The following DRD4 variants were observed in gnomAD, a reference collection of about 807,000 sequenced individuals.
The protein encoded by DRD4 is D(4) dopamine receptor.
DRD4 carries 26 observed loss-of-function variants against 22.1 expected under a neutral mutation model. The ratio of observed to expected loss-of-function variants is 1.17; its 90% CI spans 0.86 to 1.63. The LOEUF (loss-of-function observed/expected upper bound fraction) is 1.63. Ranked by LOEUF, DRD4 falls within the 40% of genes most tolerant of loss-of-function variation. The pLI, the probability that DRD4 is intolerant of heterozygous loss-of-function variation, is 0.00. For synonymous variants in DRD4, 455 were observed against 306.7 expected (o/e 1.48, Z -5.05); for missense variants, 913 against 632.4 (o/e 1.44, Z -4.76).
In DRD4 at chr11:640,305, C is replaced by G. The variant is rs201878429; in HGVS notation, c.1056C>G (p.Val352=). The G allele has an allele frequency of 3.1e-3, 4,690 of 1,504,480 alleles. 111 individuals are homozygous for G. In the African/African-American group the frequency reaches 0.054, roughly 17 times the overall value. The allele number at this position is 1,504,480 out of a possible 1,614,324, so 93.2% of individuals were successfully genotyped here. Residue 352 remains valine (V), a splice_region_variant and synonymous_variant, in exon 3 of 4, where the codon GTC becomes GTG. Transcript: ENST00000176183. ...RKAMRVLPVV[V]GAFLLCWTPF... ...CCATGAGGGTCCTGCCGGTGGTGGTCGGTGGGTTCCTGTCCTGAGGGGCGG... is the reference window on the plus strand; with the variant it reads ...CCATGAGGGTCCTGCCGGTGGTGGTGGGTGGGTTCCTGTCCTGAGGGGCGG...
intron 1 of DRD4, 109 bp from the exon 2 acceptor site, chr11:639,324 C>G: frequency 9.6e-7 from 1 of 1,039,652 alleles, no homozygotes; most frequent in South Asian, 1.4e-5. Flanking sequence ...GGCTCACAGC[C>G]GGGCCCCCTT....
intron 3 of DRD4, 30 bp downstream of exon 3, chr11:640,336 AGAG>A (rs755832118): frequency 5.6e-6 from 7 of 1,260,564 alleles, no homozygotes; most frequent in African/African-American, 2.8e-5. Flanking sequence ...GGCGGGGAGG[AGAG>A]GAGGGGGGGG....
In DRD4 at chr11:640,420, G is replaced by T; in HGVS notation, c.1077G>T (p.Trp359Cys). ...PVVVGAFLLC[W>C]TPFFVVHITQ... ...CCCCAGGGGCCTTCCTGCTGTGCTG[G>T]ACGCCCTTCTTCGTGGTGCACATCA... Residue 359 changes from tryptophan to cysteine, a missense_variant, in exon 4 of 4, where the codon TGG (tryptophan) becomes TGT (cysteine). Transcript: ENST00000176183. The T allele has an allele frequency of 6.2e-7, 1 of 1,600,356 alleles. No individual in the cohort carries two copies. Among genetic ancestry groups the T allele is most frequent in the South Asian group, 1.1e-5 (1 of 91,056 alleles).
chr11:637,556 T>C lies in DRD4; in HGVS notation c.252T>C (p.Ala84=). The part of the protein sequence containing the change: ...VSLAAADLLL[A]LLVLPLFVYS... The stretch of plus-strand genomic sequence containing the variant: ...TGGCGGCCGCCGACCTCCTCCTCGC[T>C]CTCCTGGTGCTGCCGCTCTTCGTCT... Residue 84 remains alanine, a synonymous_variant, in exon 1 of 4, where the codon GCT becomes GCC. Coordinates refer to ENST00000176183, the MANE Select transcript of DRD4 (RefSeq NM_000797.4). 4.5e-6 allele frequency: 7 copies of C among 1,560,312 alleles called. No homozygotes were observed. Among genetic ancestry groups the C allele is most frequent in the Non-Finnish European group, 6.0e-6 (7 of 1,157,554 alleles).
In DRD4 at chr11:639,430, C is replaced by G. The variant is rs1173090817; in HGVS notation, c.286-3C>G. ...CCTCAGGGCCTGTGGTGTCGCCGCG[C>G]AGGTCCAGGGTGGCGCGTGGCTGCT... On this transcript the variant is annotated splice_polypyrimidine_tract_variant and splice_region_variant and intron_variant, in intron 1 of 3. Transcript: ENST00000176183. The G allele has an allele frequency of 3.1e-6, 5 of 1,587,806 alleles. No homozygotes were observed. Among genetic ancestry groups the G allele is most frequent in the Non-Finnish European group, 4.3e-6 (5 of 1,174,504 alleles).
In DRD4 at chr11:639,789, C is replaced by T. The variant is rs1290666253; in HGVS notation, c.540C>T (p.Arg180=). Residue 180 remains arginine (R), a synonymous_variant, in exon 3 of 4, where the codon CGC becomes CGT. Transcript: ENST00000176183. Reference sequence around the variant, plus strand: ...GCGGCCTCAACGACGTGCGCGGCCGCGACCCCGCCGTGTGCCGCCTGGAGG... The same window carrying T: ...GCGGCCTCAACGACGTGCGCGGCCGTGACCCCGCCGTGTGCCGCCTGGAGG... ...VLCGLNDVRG[R]DPAVCRLEDR... is the part of the protein sequence containing the mutation. 9 of 1,579,158 alleles carry T rather than the reference C, an allele frequency of 5.7e-6. No individual in the cohort carries two copies. Among genetic ancestry groups the T allele is most frequent in the Non-Finnish European group, 7.7e-6 (9 of 1,171,176 alleles).
rs1858223801 is a variant in DRD4 at position 640,684 on chromosome 11, A to C, written c.*81A>C. ...GATGGGGAGGGCGCTTTTGTACGTTAATTAAACAAATTCCTTCCCAAACTC... is the reference window on the plus strand; with the variant it reads ...GATGGGGAGGGCGCTTTTGTACGTTCATTAAACAAATTCCTTCCCAAACTC... On this transcript the variant is annotated 3_prime_UTR_variant, in exon 4 of 4. Transcript: ENST00000176183. The C allele has an allele frequency of 6.7e-7, 1 of 1,496,672 alleles. No homozygotes were observed. The highest frequency in any genetic ancestry group is 9.1e-7 in the Non-Finnish European group (1 of 1,096,780). The allele number at this position is 1,496,672 out of a possible 1,614,324, so 92.7% of individuals were successfully genotyped here. A position where few individuals can be genotyped will look rare whatever the true frequency, so the allele number is the denominator to read the frequency against.
At position 640,627 on chromosome 11, in the gene DRD4, C is replaced by T. The variant is rs777940742; in HGVS notation, c.*24C>T. 7 of 1,598,462 alleles carry T rather than the reference C, an allele frequency of 4.4e-6. No homozygotes were observed. Among genetic ancestry groups the T allele is most frequent in the African/African-American group, 1.3e-5 (1 of 74,942 alleles). ...GAGCCGGGCACCCCCGGACGCCCCC[C>T]GGCCTGATGGCCAGGCCTCAGGGAC... is the stretch of plus-strand genomic sequence containing the variant. On this transcript the variant is annotated 3_prime_UTR_variant, in exon 4 of 4. Transcript: ENST00000176183.
intron 1 of DRD4, 150 bp downstream of exon 1, chr11:637,739 G>C: frequency 2.1e-6 from 3 of 1,403,156 alleles, no homozygotes; most frequent in Non-Finnish European, 2.9e-6. Flanking sequence ...GTCCCTCGGC[G>C]ATACACCCAC....
intron 2 of DRD4, 28 bp downstream of exon 2, chr11:639,573 G>A (rs1235468528): frequency 2.2e-6 from 3 of 1,392,778 alleles, no homozygotes; most frequent in African/African-American, 1.5e-5. Flanking sequence ...CCCGCGCCCC[G>A]GCGCCCCCGC....
chr11:640,352 A>G lies in DRD4; in HGVS notation c.1057+46A>G, dbSNP rs1225136458. ...GCGGGGAGGAGAGGAGGGGGGGGGT[A>G]CGAGGCCGGCTGGGCGGGGGGCGCT... On this transcript the variant is annotated intron_variant, in intron 3 of 3. Transcript: ENST00000176183. 3 of 1,418,914 alleles carry G rather than the reference A, an allele frequency of 2.1e-6. No homozygotes were observed. In the East Asian group the frequency reaches 7.1e-5, roughly 33 times the overall value. The allele number at this position is 1,418,914 out of a possible 1,614,324, so 87.9% of individuals were successfully genotyped here.
intron 1 of DRD4, 88 bp from the exon 2 acceptor site, chr11:639,345 A>G: frequency 7.9e-7 from 1 of 1,269,586 alleles, no homozygotes; most frequent in Non-Finnish European, 1.1e-6. Context: ...CTCCGTATTC[A>G]GCCCTGGAAC....
chr11:639,856 C>A lies in DRD4; in HGVS notation c.607C>A (p.Leu203Ile), dbSNP rs774497080. Reference sequence around the variant, plus strand: ...CTACTCGTCCGTGTGCTCCTTCTTCCTACCCTGCCCGCTCATGCTGCTGCT... The same window carrying A: ...CTACTCGTCCGTGTGCTCCTTCTTCATACCCTGCCCGCTCATGCTGCTGCT... ...VVYSSVCSFF[L>I]PCPLMLLLYW... Residue 203 changes from leucine to isoleucine, a missense_variant, in exon 3 of 4, where the codon CTA (leucine) becomes ATA (isoleucine). Physicochemically the swap from Leu to Ile is conservative, Grantham distance 5. Coordinates refer to ENST00000176183, the MANE Select transcript of DRD4 (RefSeq NM_000797.4). The A allele has an allele frequency of 3.0e-5, 47 of 1,585,928 alleles. No individual in the cohort carries two copies. Among genetic ancestry groups the A allele is most frequent in the Admixed American group, 5.1e-5 (3 of 59,010 alleles).
chr11:638,817 C>T (rs1238791946), intron 1 of DRD4, among the ~76,000 whole-genome samples: 4 of 152,182 alleles, frequency 2.6e-5, no homozygotes, highest in Admixed American at 1.3e-4. Flanking sequence ...AGACCAAGGC[C>T]AGAAGCCGTG....
rs1370671469 is a variant in DRD4, at chr11:637,589, G to A, written c.285G>A (p.Glu95=). The change falls in exon 1 of 4, where the codon GAG becomes GAA. Residue 95 remains glutamate, a splice_region_variant and synonymous_variant. Coordinates refer to ENST00000176183, the MANE Select transcript of DRD4 (RefSeq NM_000797.4). ...LLVLPLFVYS[E]VQGGAWLLSP... ...TGCTGCCGCTCTTCGTCTACTCCGA[G>A]GTGAGCCGCGTCCGGCCGCACGAGC... The A allele has an allele frequency of 6.5e-7, 1 of 1,546,538 alleles. No homozygotes were observed. Among genetic ancestry groups the A allele is most frequent in the Non-Finnish European group, 8.7e-7 (1 of 1,149,750 alleles).
intron 1 of DRD4, among the ~76,000 whole-genome samples, chr11:638,677 C>T (rs1392157861): frequency 6.6e-6 from 1 of 152,192 alleles, no homozygotes; most frequent in African/African-American, 2.4e-5. Flanking sequence ...ACAGAGCAGC[C>T]AGCTTCGCTT....
In DRD4 at chr11:637,597, G is replaced by T. The variant is rs765293018; in HGVS notation, c.285+8G>T. The T allele has an allele frequency of 5.8e-6, 9 of 1,543,372 alleles. No homozygotes were observed. The South Asian group carries it at 7.1e-5, about 12-fold the overall frequency. On this transcript the variant is annotated splice_region_variant and intron_variant, in intron 1 of 3. Transcript: ENST00000176183. Reference sequence around the variant, plus strand: ...CTCTTCGTCTACTCCGAGGTGAGCCGCGTCCGGCCGCACGAGCATCCTCAC... The same window carrying T: ...CTCTTCGTCTACTCCGAGGTGAGCCTCGTCCGGCCGCACGAGCATCCTCAC...
In DRD4 at chr11:637,488, G is replaced by C. The variant is rs767655308; in HGVS notation, c.184G>C (p.Glu62Gln). The C allele has an allele frequency of 1.9e-6, 3 of 1,546,406 alleles. No individual in the cohort carries two copies. The highest frequency in any genetic ancestry group is 3.9e-5 in the Admixed American group (2 of 51,786). Residue 62 changes from glutamate (E) to glutamine (Q), a missense_variant, in exon 1 of 4, where the codon GAG becomes CAG. Coordinates refer to ENST00000176183, the MANE Select transcript of DRD4 (RefSeq NM_000797.4). ...GCTCGTGTGCGTGAGCGTGGCCACC[G>C]AGCGCGCCCTGCAGACGCCCACCAA... ...NSLVCVSVAT[E>Q]RALQTPTNSF...
intron 1 of DRD4, among the ~76,000 whole-genome samples, chr11:638,289 C>T (rs1206570549): frequency 1.3e-5 from 2 of 152,298 alleles, no homozygotes; most frequent in East Asian, 1.9e-4. Context: ...GACGCGGTGT[C>T]CCCGACTGTG....
Sources: allele counts gnomAD v4.1 joint callset (sites outside exome capture counted in the v4.1 genomes callset), GRCh38; gene constraint gnomAD v4.1.1; transcripts MANE v1.5; gene names NCBI Gene and HGNC (gene_info 2026-07-23, HGNC 2026-07-21).